Variants in NKAIN2 observed in about 807,000 individuals in gnomAD.
The protein encoded by NKAIN2 is sodium/potassium transporting ATPase interacting 2.
In NKAIN2, 14 loss-of-function variants were observed where a neutral mutation model predicts 32.6. The ratio of observed to expected loss-of-function variants is 0.43; its 90% CI spans 0.28 to 0.67. The LOEUF (loss-of-function observed/expected upper bound fraction) is 0.67, where lower values mean the gene tolerates loss of function less well. Ranked by LOEUF, NKAIN2 falls within the 30% of genes least tolerant of loss-of-function variation. The pLI is 0.17. For missense variants in NKAIN2, 198 were observed against 258.3 expected (o/e 0.77, Z 1.60); for synonymous variants, 80 against 87.2 (o/e 0.92, Z 0.46).
chr6:123,858,927 A>G (rs777099001), intron 1 of NKAIN2, among the ~76,000 whole-genome samples: 1 of 152,154 alleles, frequency 6.6e-6, no homozygotes, highest in Non-Finnish European at 1.5e-5. Context: ...AGTCATTCTT[A>G]TACAAAGGAT....
At position 124,369,512 on chromosome 6, in the gene NKAIN2, T is replaced by C. The variant is rs189191501; in HGVS notation, c.273+14165T>C. Among the ~76,000 whole-genome samples, 8 of 152,204 alleles carry C rather than the reference T, an allele frequency of 5.3e-5. No individual in the cohort carries two copies. The East Asian group carries it at 1.5e-3, about 29-fold the overall frequency. On this transcript the variant is annotated intron_variant, in intron 3 of 6. Coordinates refer to ENST00000368417, the MANE Select transcript of NKAIN2 (RefSeq NM_001040214.3). ...TGTGGCCCAACACACATTTGTAAAC[T>C]GTCTTAAACATTGTGAGTTTTTTGT...
chr6:124,276,804 C>T (rs1015158340), intron 1 of NKAIN2, among the ~76,000 whole-genome samples: 4 of 152,146 alleles, frequency 2.6e-5, no homozygotes, highest in Non-Finnish European at 2.9e-5. Context: ...CCAACATGGG[C>T]ATCCTTTCTG....
intron 1 of NKAIN2, among the ~76,000 whole-genome samples, chr6:124,117,816 T>G (rs1312471508): frequency 6.6e-6 from 1 of 151,650 alleles, no homozygotes; most frequent in African/African-American, 2.4e-5. Context: ...TATAATCATA[T>G]AATATTTATT....
At chr6:123,984,150 G>C (rs992861257) in intron 1 of NKAIN2, among the ~76,000 whole-genome samples, 4 of 151,986 alleles carry the variant, frequency 2.6e-5, no homozygotes, top group African/African-American at 9.7e-5. Flanking sequence ...CAGGTGATCC[G>C]CCCATCTCAG....
intron 1 of NKAIN2, among the ~76,000 whole-genome samples, chr6:124,239,786 G>C (rs1232568217): frequency 6.6e-6 from 1 of 152,158 alleles, no homozygotes; most frequent in Non-Finnish European, 1.5e-5. Context: ...GCCCACTGGA[G>C]AAAGCGGGAA....
At chr6:124,161,912 A>G (rs112340525) in intron 1 of NKAIN2, among the ~76,000 whole-genome samples, 1,968 of 152,206 alleles carry the variant, frequency 0.013, 41 homozygotes, top group South Asian at 0.041. Context: ...TCATGTAACA[A>G]ACCTCCATGT....
chr6:124,814,388 C>G (rs1781051542), intron 5 of NKAIN2, among the ~76,000 whole-genome samples: 1 of 152,194 alleles, frequency 6.6e-6, no homozygotes, highest in Non-Finnish European at 1.5e-5. Flanking sequence ...TGAATGCCCC[C>G]TCATGAGTGA....
chr6:124,651,152 T>C (rs552963923), intron 3 of NKAIN2, among the ~76,000 whole-genome samples: 1 of 152,322 alleles, frequency 6.6e-6, no homozygotes, highest in South Asian at 2.1e-4. Flanking sequence ...TTTGACCCTA[T>C]GTCCCATCTT....
intron 1 of NKAIN2, among the ~76,000 whole-genome samples, chr6:123,885,841 G>T (rs1773686490): frequency 6.6e-6 from 1 of 151,428 alleles, no homozygotes; most frequent in Non-Finnish European, 1.5e-5. Flanking sequence ...TTTAAAAAAT[G>T]GTACATTAGG....
At chr6:124,556,764 A>C (rs1780491337) in intron 3 of NKAIN2, among the ~76,000 whole-genome samples, 1 of 152,212 alleles carries the variant, frequency 6.6e-6, no homozygotes, top group African/African-American at 2.4e-5. Flanking sequence ...GATAAAACTG[A>C]AATTTATGTG....
intron 1 of NKAIN2, among the ~76,000 whole-genome samples, chr6:124,108,674 G>A (rs1352407936): frequency 1.3e-5 from 2 of 151,964 alleles, no homozygotes; most frequent in African/African-American, 2.4e-5. Context: ...ACAGTTTCAG[G>A]TATTCCATTT....
At chr6:124,241,725 AT>A (rs1793107251) in intron 1 of NKAIN2, among the ~76,000 whole-genome samples, 1 of 152,140 alleles carries the variant, frequency 6.6e-6, no homozygotes, top group Non-Finnish European at 1.5e-5. Flanking sequence ...GTTTCCTATA[AT>A]TGAGAAAAGC....
chr6:124,458,171 A>C (rs550910803), intron 3 of NKAIN2, among the ~76,000 whole-genome samples: 1 of 152,110 alleles, frequency 6.6e-6, no homozygotes, highest in Non-Finnish European at 1.5e-5. Context: ...TTGAAAAAGT[A>C]AAGTATTGAA....
chr6:124,338,786 A>G (rs766015606), intron 2 of NKAIN2, among the ~76,000 whole-genome samples: 7 of 152,282 alleles, frequency 4.6e-5, no homozygotes, highest in Non-Finnish European at 7.4e-5. Context: ...AAAATTTTCT[A>G]TTTGCATGCC....
chr6:124,147,035 A>G (rs1490206508), intron 1 of NKAIN2, among the ~76,000 whole-genome samples: 1 of 152,178 alleles, frequency 6.6e-6, no homozygotes, highest in African/African-American at 2.4e-5. Context: ...TGAATGATGT[A>G]TTTTACAATG....
intron 1 of NKAIN2, among the ~76,000 whole-genome samples, chr6:123,846,656 A>C (rs1221711379): frequency 1.3e-5 from 2 of 152,216 alleles, no homozygotes; most frequent in Admixed American, 1.3e-4. Context: ...ATGTGAGAAC[A>C]GTAAAATTCT....
At chr6:124,427,856 C>CA (rs1404472076) in intron 3 of NKAIN2, among the ~76,000 whole-genome samples, 2 of 152,074 alleles carry the variant, frequency 1.3e-5, no homozygotes, top group Admixed American at 6.6e-5. Context: ...TTCGGGGCTA[C>CA]AAAATCTTTG....
intron 1 of NKAIN2, among the ~76,000 whole-genome samples, chr6:123,981,808 G>A (rs1778911140): frequency 6.6e-6 from 1 of 152,148 alleles, no homozygotes; most frequent in Non-Finnish European, 1.5e-5. Flanking sequence ...ATGTGAGTGT[G>A]TTGAGGGAGG....
At chr6:124,533,064 GTTGT>G (rs1182797038) in intron 3 of NKAIN2, among the ~76,000 whole-genome samples, 10 of 152,076 alleles carry the variant, frequency 6.6e-5, no homozygotes, top group African/African-American at 2.4e-4. Context: ...TGTTTTCTAG[GTTGT>G]TTGTTGTGTA....
Sources: allele counts gnomAD v4.1 joint callset (sites outside exome capture counted in the v4.1 genomes callset), GRCh38; gene constraint gnomAD v4.1.1; transcripts MANE v1.5; gene names NCBI Gene and HGNC (gene_info 2026-07-23, HGNC 2026-07-21).